CDK6: variants seen among roughly 807,000 people sequenced by gnomAD.
The protein encoded by CDK6 is cyclin-dependent kinase 6.
In CDK6, 6 loss-of-function variants were observed where a neutral mutation model predicts 37.1. The ratio of observed to expected loss-of-function variants is 0.16; its 90% confidence interval spans 0.09 to 0.32. The LOEUF is 0.32. Ranked by LOEUF, CDK6 falls within the 10% of genes least tolerant of loss-of-function variation. The pLI, the probability that CDK6 is intolerant of heterozygous loss-of-function variation, is 1.00. For missense variants in CDK6, 224 were observed against 418.9 expected, an observed-to-expected ratio of 0.53 and a Z score of 4.06; for synonymous variants, 160 against 161.3, an observed-to-expected ratio of 0.99 and a Z score of 0.06.
intron 5 of CDK6, among the ~76,000 whole-genome samples, chr7:92,634,832 C>A (rs1796132373): frequency 6.6e-6 from 1 of 152,096 alleles, no homozygotes; most frequent in African/African-American, 2.4e-5. Flanking sequence ...AAACTTACTG[C>A]TGATCTTTTA....
At chr7:92,695,265 C>G (rs1488636067) in intron 4 of CDK6, among the ~76,000 whole-genome samples, 2 of 145,024 alleles carry the variant, frequency 1.4e-5, no homozygotes, top group South Asian at 2.1e-4. Context: ...TTAAGGGACC[C>G]TGAGGTAAAA....
At chr7:92,824,199 T>C (rs1801253089) in intron 2 of CDK6, among the ~76,000 whole-genome samples, 2 of 150,738 alleles carry the variant, frequency 1.3e-5, no homozygotes, top group South Asian at 2.1e-4. Context: ...AACTGCTTCA[T>C]TGCTGTGAAT....
intron 4 of CDK6, among the ~76,000 whole-genome samples, chr7:92,679,422 T>C (rs1585393137): frequency 6.6e-6 from 1 of 152,234 alleles, no homozygotes. Context: ...TAATTACTTA[T>C]GGAGTGTTCC....
chr7:92,728,594 T>C (rs1056119821), intron 3 of CDK6, among the ~76,000 whole-genome samples: 15 of 152,164 alleles, frequency 9.9e-5, no homozygotes, highest in African/African-American at 3.6e-4. Flanking sequence ...CTTGTTTGTT[T>C]AAAGGTAGAG....
Position 92,834,238 on chromosome 7 carries a change from G to A in CDK6, c.-367-548C>T, listed in dbSNP as rs1191249551. On this transcript the variant is annotated intron_variant, in intron 1 of 7. Coordinates refer to ENST00000424848, the MANE Select transcript of CDK6 (RefSeq NM_001145306.2). This position sits in a 1 kb window ranked among gnomAD's most constrained non-coding sequence, Gnocchi z 4.6. ...GGGGGCTCCCAGGACCCTGTAACCCGATGCTGGGAGTGTGCGAGAAGGGGT... is the reference window on the plus strand; with the variant it reads ...GGGGGCTCCCAGGACCCTGTAACCCAATGCTGGGAGTGTGCGAGAAGGGGT... Among the ~76,000 whole-genome samples, 1 of 152,110 alleles carries A rather than the reference G, an allele frequency of 6.6e-6. No individual in the cohort carries two copies. Among genetic ancestry groups the A allele is most frequent in the Non-Finnish European group, 1.5e-5 (1 of 68,014 alleles).
rs996936702 is a variant in CDK6 at position 92,646,276 on chromosome 7, G to A, written c.648-23190C>T. On this transcript the variant is annotated intron_variant, in intron 5 of 7. Coordinates refer to ENST00000424848, the MANE Select transcript of CDK6 (RefSeq NM_001145306.2). ...TAATTATTACATGCTAACACATCAT[G>A]CACATTTTTATTTGCTCATGTAAGT... 1.1e-4 allele frequency among the ~76,000 whole-genome samples: 16 copies of A among 152,244 alleles called. No homozygotes were observed. In the East Asian group the frequency reaches 1.7e-3, roughly 17 times the overall value.
intron 2 of CDK6, among the ~76,000 whole-genome samples, chr7:92,821,294 G>A (rs966583491): frequency 6.6e-6 from 1 of 152,006 alleles, no homozygotes; most frequent in Non-Finnish European, 1.5e-5. Flanking sequence ...AAGTGAAGAC[G>A]CCTAGAATAA....
At chr7:92,791,415 G>A (rs552806850) in intron 2 of CDK6, among the ~76,000 whole-genome samples, 2 of 152,224 alleles carry the variant, frequency 1.3e-5, no homozygotes, top group African/African-American at 4.8e-5. Context: ...TATCCCAAAT[G>A]TGAATAGATT....
chr7:92,629,436 G>A (rs1796004839), intron 5 of CDK6, among the ~76,000 whole-genome samples: 2 of 152,056 alleles, frequency 1.3e-5, no homozygotes, highest in Admixed American at 1.3e-4. Context: ...GGAGAGCAGA[G>A]GGACAAACCC....
intron 6 of CDK6, 77 bp from the exon 7 acceptor site, chr7:92,618,284 G>T (rs780872272): frequency 6.7e-7 from 1 of 1,497,074 alleles, no homozygotes. Context: ...CCAGAGAAAG[G>T]CAAAATCTAA....
intron 3 of CDK6, among the ~76,000 whole-genome samples, chr7:92,756,133 T>C (rs141618709): frequency 2.2e-3 from 326 of 146,586 alleles, no homozygotes; most frequent in African/African-American, 8.2e-3. Context: ...TAGGCACAGA[T>C]GAGTGAATAG....
At chr7:92,774,901 A>T (rs1799810553) in intron 2 of CDK6, 70 bp from the exon 3 acceptor site, 2 of 1,451,582 alleles carry the variant, frequency 1.4e-6, no homozygotes, top group East Asian at 4.9e-5. Flanking sequence ...TTTTATACAT[A>T]TCGCTCAATT....
chr7:92,822,485 G>A (rs2115986898), intron 2 of CDK6, among the ~76,000 whole-genome samples: 1 of 152,248 alleles, frequency 6.6e-6, no homozygotes, highest in South Asian at 2.1e-4. Context: ...TAAAGTTGCT[G>A]TGAAAACAGT....
chr7:92,646,315 A>T (rs544409122), intron 5 of CDK6, among the ~76,000 whole-genome samples: 1 of 152,240 alleles, frequency 6.6e-6, no homozygotes, highest in South Asian at 2.1e-4. Context: ...AACCTCCTTC[A>T]GGCTCAGTCT....
chr7:92,608,024 T>C lies in CDK6; in HGVS notation c.*7116A>G, dbSNP rs1795468594. On this transcript the variant is annotated 3_prime_UTR_variant, in exon 8 of 8. Coordinates refer to ENST00000424848, the MANE Select transcript of CDK6 (RefSeq NM_001145306.2). ...AGCTGATACATATTATTGCATTTCA[T>C]AAAACTTAAGATTAGAAACTTTCAA... The C allele has an allele frequency of 4.3e-6, 1 of 233,278 alleles. No individual in the cohort carries two copies. The highest frequency in any genetic ancestry group is 8.5e-6 in the Non-Finnish European group (1 of 117,884). 14.5% of individuals were successfully genotyped at this position (233,278 alleles called of 1,614,324 possible). A position where few individuals can be genotyped will look rare whatever the true frequency, so the allele number is the denominator to read the frequency against.
chr7:92,786,057 G>T (rs377688266), intron 2 of CDK6, among the ~76,000 whole-genome samples: 1 of 152,180 alleles, frequency 6.6e-6, no homozygotes, highest in Non-Finnish European at 1.5e-5. Context: ...AAAGCAAAGC[G>T]AACAGCTCTG....
At chr7:92,715,449 G>C (rs1480161870) in intron 4 of CDK6, among the ~76,000 whole-genome samples, 2 of 152,134 alleles carry the variant, frequency 1.3e-5, no homozygotes, top group Non-Finnish European at 2.9e-5. Context: ...CCTGAGATTT[G>C]AAGGTAGATT....
At chr7:92,615,423 T>C in intron 7 of CDK6, 137 bp from the exon 8 acceptor site, 4 of 689,704 alleles carry the variant, frequency 5.8e-6, no homozygotes, top group Non-Finnish European at 2.5e-6. Context: ...AAAGGGACAC[T>C]AAATAATATG....
intron 3 of CDK6, among the ~76,000 whole-genome samples, chr7:92,747,708 C>G (rs747802923): frequency 7.9e-5 from 12 of 152,212 alleles, no homozygotes; most frequent in Non-Finnish European, 1.6e-4. Context: ...TTGTAACACA[C>G]TGTATTCGTC....
Sources: gnomAD v4.1 joint callset for allele counts (sites outside exome capture counted in the v4.1 genomes callset) on GRCh38, gnomAD v4.1.1 for gene constraint, Gnocchi (gnomAD v3.1) non-coding constraint, MANE v1.5 for transcripts, NCBI Gene and HGNC (gene_info 2026-07-23, HGNC 2026-07-21) for gene names.